The following RBBP4 variants were observed in gnomAD, a reference collection of about 807,000 sequenced individuals.
RBBP4 encodes the protein RB binding protein 4, chromatin remodeling factor.
RBBP4 carries 3 observed loss-of-function variants against 57.2 expected under a neutral mutation model. The observed-to-expected ratio is 0.05, with a 90% CI of 0.02 to 0.14. The LOEUF (loss-of-function observed/expected upper bound fraction) is 0.14, where lower values mean the gene tolerates loss of function less well. Ranked by LOEUF, RBBP4 falls within the 10% of genes least tolerant of loss-of-function variation. The pLI is 1.00. For synonymous variants in RBBP4, 151 were observed against 171.5 expected, an observed-to-expected ratio of 0.88 and a Z score of 0.93; for missense variants, 107 against 520.6, an observed-to-expected ratio of 0.21 and a Z score of 7.73.
At chr1:32,659,045 TTATATATA>T (rs1354634330) in intron 3 of RBBP4, among the ~76,000 whole-genome samples, 75 of 147,026 alleles carry the variant, frequency 5.1e-4, no homozygotes, top group African/African-American at 1.8e-3. Context: ...TGTATTATAT[TTATATATA>T]AATATATAAA....
rs1649441758 is a variant in RBBP4 at position 32,681,632 on chromosome 1, G to T, written c.*1927G>T. 1.5e-6 allele frequency: 1 copy of T among 654,942 alleles called. No homozygotes were observed. The highest frequency in any genetic ancestry group is 2.7e-4 in the Middle Eastern group (1 of 3,758). The allele number at this position is 654,942 out of a possible 1,614,324, so 40.6% of individuals were successfully genotyped here. ...ATTGAGATCAGTATCAACAGCAGAT[G>T]AAATAGAATCCAGCAAAGAGTTGAC... On this transcript the variant is annotated 3_prime_UTR_variant, in exon 12 of 12. Transcript: ENST00000373493.
rs1649579752 is a variant in RBBP4 at position 32,683,340 on chromosome 1, G to A, written c.*3635G>A. 1.3e-5 allele frequency: 2 copies of A among 150,966 alleles called. No homozygotes were observed. Among genetic ancestry groups the A allele is most frequent in the Admixed American group, 1.3e-4 (2 of 15,126 alleles). 9.4% of individuals were successfully genotyped at this position (150,966 alleles called of 1,614,324 possible). ...GCTTCCACCCAAAACCACAGCCTTTGAATATTATATAAGGAACTTAATGGA... is the reference window on the plus strand; with the variant it reads ...GCTTCCACCCAAAACCACAGCCTTTAAATATTATATAAGGAACTTAATGGA... On this transcript the variant is annotated 3_prime_UTR_variant, in exon 12 of 12. Transcript: ENST00000373493.
intron 3 of RBBP4, among the ~76,000 whole-genome samples, chr1:32,666,117 G>A (rs1557856405): frequency 2.6e-5 from 4 of 152,172 alleles, no homozygotes; most frequent in Admixed American, 2.0e-4. Context: ...GTAAGTGGGT[G>A]TAGCAAAATG....
chr1:32,669,399 GT>G lies in RBBP4; in HGVS notation c.888+49del. 3.8e-6 allele frequency: 6 copies of G among 1,570,330 alleles called. No homozygotes were observed. The highest frequency in any genetic ancestry group is 5.1e-6 in the Non-Finnish European group (6 of 1,165,662). ...TTAATAGAAAACATAATTTCTCTAG[GT>G]TTTTTTGAATTGCAGAGATATTTTA... On this transcript the variant is annotated intron_variant, in intron 7 of 11. Coordinates refer to ENST00000373493, the MANE Select transcript of RBBP4 (RefSeq NM_005610.3). The surrounding 1 kb of genome is among the most constrained non-coding windows in gnomAD (Gnocchi z 4.9).
At chr1:32,664,911 G>A (rs897683655) in intron 3 of RBBP4, among the ~76,000 whole-genome samples, 1 of 152,068 alleles carries the variant, frequency 6.6e-6, no homozygotes, top group African/African-American at 2.4e-5. Context: ...TCTCCTAAAC[G>A]TGCAATAGCA....
rs143421423 is a variant in RBBP4, at chr1:32,672,627, A to C, written c.1044-15A>C. 16 of 1,613,152 alleles carry C rather than the reference A, an allele frequency of 9.9e-6. No individual in the cohort carries two copies. The highest frequency in any genetic ancestry group is 1.7e-5 in the Admixed American group (1 of 60,004). On this transcript the variant is annotated splice_polypyrimidine_tract_variant and intron_variant, in intron 9 of 11. Coordinates refer to ENST00000373493, the MANE Select transcript of RBBP4 (RefSeq NM_005610.3). ...TAAATCTGTTTTAACTTTTAAAATTATGCTTTTGTACTAGTAAAATTGGAG... is the reference window on the plus strand; with the variant it reads ...TAAATCTGTTTTAACTTTTAAAATTCTGCTTTTGTACTAGTAAAATTGGAG...
chr1:32,660,104 TCTC>T (rs1260816042), intron 3 of RBBP4, among the ~76,000 whole-genome samples: 2 of 152,206 alleles, frequency 1.3e-5, no homozygotes, highest in Non-Finnish European at 2.9e-5. Flanking sequence ...TGAGCTTACA[TCTC>T]CTGTTTATTT....
Position 32,684,374 on chromosome 1 carries a change from C to T in RBBP4, c.*4669C>T. 6.2e-7 allele frequency: 1 copy of T among 1,614,206 alleles called. No homozygotes were observed. Among genetic ancestry groups the T allele is most frequent in the Non-Finnish European group, 8.5e-7 (1 of 1,180,046 alleles). On this transcript the variant is annotated 3_prime_UTR_variant, in exon 12 of 12. Coordinates refer to ENST00000373493, the MANE Select transcript of RBBP4 (RefSeq NM_005610.3). The stretch of plus-strand genomic sequence containing the variant: ...GCCTCTGGCGTTCTTCCATTTCCTC[C>T]AGCTGTTCCTGCATGAGATGGCCAA...
rs1302521028 is a variant in RBBP4, at chr1:32,681,892, T to C, written c.*2187T>C. 1 of 1,594,766 alleles carries C rather than the reference T, an allele frequency of 6.3e-7. No individual in the cohort carries two copies. Among genetic ancestry groups the C allele is most frequent in the Admixed American group, 1.7e-5 (1 of 59,986 alleles). ...AGTTGAAAGAAAAAGTTTATAACAGTGAACTTCTGAGGTTTAGTTACTGCA... is the reference window on the plus strand; with the variant it reads ...AGTTGAAAGAAAAAGTTTATAACAGCGAACTTCTGAGGTTTAGTTACTGCA... On this transcript the variant is annotated 3_prime_UTR_variant, in exon 12 of 12. Coordinates refer to ENST00000373493, the MANE Select transcript of RBBP4 (RefSeq NM_005610.3).
In RBBP4 at chr1:32,680,167, A is replaced by G; in HGVS notation, c.*462A>G. ...TATAGATTCCTACTCGAAAATCTTGACACCTGACTTTCCAGGATGCACATT... is the reference window on the plus strand; with the variant it reads ...TATAGATTCCTACTCGAAAATCTTGGCACCTGACTTTCCAGGATGCACATT... On this transcript the variant is annotated 3_prime_UTR_variant, in exon 12 of 12. Transcript: ENST00000373493. 4 of 1,059,194 alleles carry G rather than the reference A, an allele frequency of 3.8e-6. No individual in the cohort carries two copies. Among genetic ancestry groups the G allele is most frequent in the Non-Finnish European group, 4.5e-6 (4 of 896,442 alleles). The allele number at this position is 1,059,194 out of a possible 1,614,324, so 65.6% of individuals were successfully genotyped here. A position where few individuals can be genotyped will look rare whatever the true frequency, so the allele number is the denominator to read the frequency against.
chr1:32,662,501 C>T (rs1483703762), intron 3 of RBBP4, among the ~76,000 whole-genome samples: 13 of 151,594 alleles, frequency 8.6e-5, no homozygotes, highest in Admixed American at 5.9e-4. Context: ...CTCAGCCTCC[C>T]GAGTAGCTGG....
intron 2 of RBBP4, among the ~76,000 whole-genome samples, chr1:32,653,418 A>T (rs1038596815): frequency 4.6e-5 from 7 of 152,170 alleles, no homozygotes; most frequent in African/African-American, 1.7e-4. Context: ...TGGATCTTTA[A>T]AAGTTAAGAT....
intron 11 of RBBP4, among the ~76,000 whole-genome samples, chr1:32,678,371 C>T (rs1338599677): frequency 1.3e-5 from 2 of 151,664 alleles, no homozygotes; most frequent in Admixed American, 6.6e-5. Flanking sequence ...GGATTACAGG[C>T]GCCTGTCACC....
At chr1:32,665,241 A>G (rs1648594212) in intron 3 of RBBP4, among the ~76,000 whole-genome samples, 1 of 151,996 alleles carries the variant, frequency 6.6e-6, no homozygotes, top group Non-Finnish European at 1.5e-5. Context: ...TTTAGAATCT[A>G]TCTTGAATTT....
intron 3 of RBBP4, among the ~76,000 whole-genome samples, chr1:32,663,344 G>C (rs1648504683): frequency 6.6e-6 from 1 of 152,148 alleles, no homozygotes; most frequent in Non-Finnish European, 1.5e-5. Context: ...CAACAAAATA[G>C]GAAAGCAAGT....
intron 3 of RBBP4, among the ~76,000 whole-genome samples, chr1:32,659,831 C>G (rs1648321661): frequency 6.6e-6 from 1 of 152,128 alleles, no homozygotes; most frequent in Admixed American, 6.5e-5. Context: ...TTAACTATTC[C>G]TTACTGATAG....
intron 3 of RBBP4, among the ~76,000 whole-genome samples, chr1:32,660,199 G>A (rs1246819290): frequency 6.6e-6 from 1 of 152,112 alleles, no homozygotes; most frequent in African/African-American, 2.4e-5. Flanking sequence ...AATAGGTGCA[G>A]ATCATTTTCT....
intron 3 of RBBP4, among the ~76,000 whole-genome samples, chr1:32,667,279 A>C (rs1648694625): frequency 6.6e-6 from 1 of 152,200 alleles, no homozygotes; most frequent in Non-Finnish European, 1.5e-5. Flanking sequence ...AGTAGAAAAA[A>C]TAGTGAAAGT....
At position 32,683,912 on chromosome 1, in the gene RBBP4, C is replaced by T. The variant is rs1397997218; in HGVS notation, c.*4207C>T. The T allele has an allele frequency of 3.5e-5, 43 of 1,222,936 alleles. No homozygotes were observed. Among genetic ancestry groups the T allele is most frequent in the African/African-American group, 8.9e-5 (6 of 67,592 alleles). The allele number at this position is 1,222,936 out of a possible 1,614,324, so 75.8% of individuals were successfully genotyped here. Reference sequence around the variant, plus strand: ...CCTCCCAAAGTGCTAGGATTACAGGCGTGAGCCACCCCGTCCGGCCTGTTT... The same window carrying T: ...CCTCCCAAAGTGCTAGGATTACAGGTGTGAGCCACCCCGTCCGGCCTGTTT... On this transcript the variant is annotated 3_prime_UTR_variant, in exon 12 of 12. Transcript: ENST00000373493.
Sources: allele counts gnomAD v4.1 joint callset (sites outside exome capture counted in the v4.1 genomes callset), GRCh38; gene constraint gnomAD v4.1.1; non-coding constraint Gnocchi (gnomAD v3.1); transcripts MANE v1.5; gene names NCBI Gene and HGNC (gene_info 2026-07-23, HGNC 2026-07-21).